NLRP14: variants seen among roughly 807,000 people sequenced by gnomAD.
NLRP14 encodes the protein NACHT, LRR and PYD domains-containing protein 14.
A neutral mutation model predicts 94.7 loss-of-function variants in NLRP14; 105 were observed. That is an observed-to-expected ratio of 1.11 (90% CI 0.95 to 1.30). NLRP14 has a LOEUF of 1.30. Among genes scored for constraint, NLRP14 ranks in the 50% most tolerant of loss-of-function variants. NLRP14 has a pLI of 0.00. For synonymous variants in NLRP14, 508 were observed against 459.9 expected, an observed-to-expected ratio of 1.10 and a Z score of -1.34; for missense variants, 1,362 against 1,254.1, an observed-to-expected ratio of 1.09 and a Z score of -1.30.
intron 6 of NLRP14, among the ~76,000 whole-genome samples, chr11:7,053,083 G>T (rs1054225865): frequency 2.0e-5 from 3 of 152,054 alleles, no homozygotes; most frequent in Non-Finnish European, 2.9e-5. Context: ...AAATAATATT[G>T]ATTATGAGAC....
intron 5 of NLRP14, among the ~76,000 whole-genome samples, chr11:7,048,642 C>G (rs1359809324): frequency 6.6e-6 from 1 of 152,142 alleles, no homozygotes; most frequent in Non-Finnish European, 1.5e-5. Flanking sequence ...AGTAAGACAA[C>G]TAGATGTATG....
intron 6 of NLRP14, among the ~76,000 whole-genome samples, chr11:7,053,111 T>C (rs545592129): frequency 5.9e-5 from 9 of 152,358 alleles, no homozygotes; most frequent in African/African-American, 2.2e-4. Context: ...TGATTTTTGC[T>C]GTCTTTATTT....
chr11:7,036,486 T>TGAAG (rs1274418494), intron 1 of NLRP14, among the ~76,000 whole-genome samples: 1 of 152,180 alleles, frequency 6.6e-6, no homozygotes, highest in African/African-American at 2.4e-5. Context: ...TGTGGGATTA[T>TGAAG]GACAGCAAAG....
At chr11:7,045,888 T>G (rs563259036) in intron 4 of NLRP14, among the ~76,000 whole-genome samples, 96 of 152,214 alleles carry the variant, frequency 6.3e-4, no homozygotes, top group African/African-American at 2.3e-3. Context: ...ATTATCTTCA[T>G]TTATCAAGAT....
chr11:7,024,664 G>A (rs1265999821), intron 1 of NLRP14, among the ~76,000 whole-genome samples: 1 of 152,114 alleles, frequency 6.6e-6, no homozygotes, highest in Non-Finnish European at 1.5e-5. Context: ...GAGTGTGTGT[G>A]TGTGCATGCA....
At chr11:7,080,321 A>G in the NLRP14 span, among the ~76,000 whole-genome samples, 1 of 152,152 alleles carries the variant, frequency 6.6e-6, no homozygotes, top group Non-Finnish European at 1.5e-5. Flanking sequence ...GTTGTTGGAA[A>G]ATGATATACT....
At chr11:7,029,221 G>T (rs1043831420) in intron 1 of NLRP14, among the ~76,000 whole-genome samples, 1 of 152,102 alleles carries the variant, frequency 6.6e-6, no homozygotes, top group Non-Finnish European at 1.5e-5. Context: ...GTAGACAAGC[G>T]AAGTGACAAG....
chr11:7,090,528 A>C, the NLRP14 span: 1 of 605,852 alleles, frequency 1.7e-6, no homozygotes, highest in South Asian at 2.0e-5. Context: ...TCCTGTTAAA[A>C]GTATATGAAC....
chr11:7,087,235 A>C, the NLRP14 span, among the ~76,000 whole-genome samples: 1 of 152,248 alleles, frequency 6.6e-6, no homozygotes, highest in Non-Finnish European at 1.5e-5. Flanking sequence ...TTCAAGAGAT[A>C]TCTCTCCTTT....
intron 6 of NLRP14, among the ~76,000 whole-genome samples, chr11:7,050,258 T>G (rs1251773126): frequency 2.0e-5 from 3 of 152,210 alleles, no homozygotes; most frequent in Non-Finnish European, 4.4e-5. Flanking sequence ...TGATTTTTGT[T>G]GGTGACTCCC....
At chr11:7,053,932 C>G (rs1039880245) in intron 6 of NLRP14, among the ~76,000 whole-genome samples, 1 of 151,976 alleles carries the variant, frequency 6.6e-6, no homozygotes, top group Non-Finnish European at 1.5e-5. Flanking sequence ...TTAACCATTC[C>G]CCTCTTCCCC....
In NLRP14 at chr11:7,027,316, G is replaced by T. The variant is rs79054090; in HGVS notation, c.-22+6546G>T. On this transcript the variant is annotated intron_variant, in intron 1 of 11. Transcript: ENST00000299481. ...GACAATGACAGAAACTCACAGTTCT[G>T]GGGGTTGGAAGTCCAAGATCAAGGC... Among the ~76,000 whole-genome samples the T allele has an allele frequency of 2.6e-3, 391 of 152,066 alleles. 3 individuals are homozygous for T. Among genetic ancestry groups the T allele is most frequent in the African/African-American group, 9.2e-3 (383 of 41,468 alleles).
chr11:7,039,699 C>A lies in NLRP14; in HGVS notation c.290-15C>A. The A allele has an allele frequency of 2.5e-6, 4 of 1,604,182 alleles. No individual in the cohort carries two copies. Among genetic ancestry groups the A allele is most frequent in the Non-Finnish European group, 3.4e-6 (4 of 1,170,958 alleles). ...TTTTCATTAAATATCATGATCCTATCGGAACCTGTTGCAGGGTCGGCCCAG... is the reference window on the plus strand; with the variant it reads ...TTTTCATTAAATATCATGATCCTATAGGAACCTGTTGCAGGGTCGGCCCAG... On this transcript the variant is annotated splice_polypyrimidine_tract_variant and intron_variant, in intron 2 of 11. Transcript: ENST00000299481.
the NLRP14 span, chr11:7,089,061 T>G: frequency 6.4e-7 from 1 of 1,565,002 alleles, no homozygotes; most frequent in Non-Finnish European, 8.7e-7. Context: ...GCTCGAAGGC[T>G]GCGACTGGCG....
chr11:7,086,738 C>A, the NLRP14 span, among the ~76,000 whole-genome samples: 1 of 152,088 alleles, frequency 6.6e-6, no homozygotes, highest in African/African-American at 2.4e-5. Context: ...GGGGCCTCTG[C>A]AACCCCTCTC....
chr11:7,042,201 G>A (rs1255743219), intron 3 of NLRP14, among the ~76,000 whole-genome samples, 187 bp from the exon 4 acceptor site: 1 of 151,448 alleles, frequency 6.6e-6, no homozygotes, highest in Non-Finnish European at 1.5e-5. Context: ...ATCTAATACA[G>A]GTTTTAAATC....
chr11:7,089,928 T>C, the NLRP14 span: 1 of 1,612,628 alleles, frequency 6.2e-7, no homozygotes, highest in South Asian at 1.1e-5. Flanking sequence ...CGACCGTGAC[T>C]ACGGGGATCA....
At chr11:7,054,035 C>A (rs1187704174) in intron 6 of NLRP14, among the ~76,000 whole-genome samples, 6 of 152,138 alleles carry the variant, frequency 3.9e-5, no homozygotes, top group Non-Finnish European at 2.9e-5. Context: ...TTCACTCCCA[C>A]AAATAAGTGA....
At chr11:7,089,002 T>G in the NLRP14 span, 1 of 1,225,008 alleles carries the variant, frequency 8.2e-7, no homozygotes, top group Non-Finnish European at 1.2e-6. Context: ...TTCCGTGGAC[T>G]CGGCGACTAG....
Sources: allele counts gnomAD v4.1 joint callset (sites outside exome capture counted in the v4.1 genomes callset), GRCh38; gene constraint gnomAD v4.1.1; transcripts MANE v1.5; gene names NCBI Gene and HGNC (gene_info 2026-07-23, HGNC 2026-07-21).